MED27: variants seen among roughly 807,000 people sequenced by gnomAD.
The protein encoded by MED27 is mediator complex subunit 27.
MED27 carries 30 observed loss-of-function variants against 38.2 expected under a neutral mutation model. The ratio of observed to expected loss-of-function variants is 0.79; its 90% CI spans 0.59 to 1.07. MED27 has a LOEUF of 1.07. Among genes scored for constraint, MED27 ranks in the 50% least tolerant of loss-of-function variants. The pLI is 0.00. For missense variants in MED27, 289 were observed against 397.5 expected (o/e 0.73, Z 2.32); for synonymous variants, 122 against 153.5 (o/e 0.79, Z 1.52).
At chr9:131,962,565 A>C (rs892077970) in intron 3 of MED27, among the ~76,000 whole-genome samples, 6 of 150,610 alleles carry the variant, frequency 4.0e-5, no homozygotes, top group Admixed American at 2.6e-4. Context: ...TTGTGATAGG[A>C]GTATTATATT....
intron 4 of MED27, among the ~76,000 whole-genome samples, chr9:131,909,817 A>T (rs1012442430): frequency 6.6e-6 from 1 of 152,234 alleles, no homozygotes; most frequent in Non-Finnish European, 1.5e-5. Context: ...CTGTGTCCTT[A>T]GATACATGAG....
At chr9:132,009,883 G>A (rs2131070134) in intron 3 of MED27, among the ~76,000 whole-genome samples, 1 of 152,316 alleles carries the variant, frequency 6.6e-6, no homozygotes, top group East Asian at 1.9e-4. Context: ...TTATAGTTAT[G>A]TTGTGCTTAT....
At chr9:131,908,314 C>T (rs1443552406) in intron 4 of MED27, among the ~76,000 whole-genome samples, 3 of 151,984 alleles carry the variant, frequency 2.0e-5, no homozygotes, top group Non-Finnish European at 2.9e-5. Context: ...CGCCTCTGCC[C>T]GGCCGCCCAT....
intron 6 of MED27, chr9:131,868,644 G>C: frequency 1.0e-6 from 1 of 985,502 alleles, no homozygotes; most frequent in Non-Finnish European, 1.2e-6. Context: ...TGCACATAGT[G>C]GGTGAGGGCA....
chr9:131,936,660 C>G (rs1172761642), intron 4 of MED27, among the ~76,000 whole-genome samples: 2 of 152,224 alleles, frequency 1.3e-5, no homozygotes, highest in Non-Finnish European at 2.9e-5. Context: ...TTGTCCTGAT[C>G]TTGTTCCTGA....
intron 3 of MED27, among the ~76,000 whole-genome samples, chr9:131,986,999 ATTTT>A (rs66519112): frequency 6.5e-5 from 3 of 46,224 alleles, no homozygotes; most frequent in African/African-American, 1.7e-4. Flanking sequence ...GAGTTCATGG[ATTTT>A]TTTTTTTTTT....
chr9:131,877,723 C>T (rs1838961803), intron 6 of MED27, among the ~76,000 whole-genome samples: 1 of 152,184 alleles, frequency 6.6e-6, no homozygotes, highest in Non-Finnish European at 1.5e-5. Flanking sequence ...GGAATGATCC[C>T]ATGTTGAAAC....
At chr9:132,050,370 G>A (rs1295261683) in intron 2 of MED27, among the ~76,000 whole-genome samples, 1 of 152,156 alleles carries the variant, frequency 6.6e-6, no homozygotes, top group Non-Finnish European at 1.5e-5. Context: ...TCCAGGTGCC[G>A]GGCTAAGGAG....
intron 6 of MED27, among the ~76,000 whole-genome samples, chr9:131,863,369 G>A (rs1021893975): frequency 2.0e-5 from 3 of 152,334 alleles, no homozygotes; most frequent in East Asian, 3.9e-4. Flanking sequence ...GGCAGGGGGC[G>A]TGTGGAAGAT....
chr9:131,969,446 T>C (rs1469017689), intron 3 of MED27, among the ~76,000 whole-genome samples: 5 of 152,124 alleles, frequency 3.3e-5, no homozygotes, highest in Admixed American at 2.0e-4. Context: ...ATTTTGTACA[T>C]TAAGTGCTCT....
chr9:131,863,172 C>T (rs1223312474), intron 6 of MED27, 32 bp from the exon 7 acceptor site: 1 of 1,589,480 alleles, frequency 6.3e-7, no homozygotes, highest in East Asian at 2.2e-5. Context: ...GAGTTAGCGG[C>T]CACTCCAAGC....
At chr9:131,867,162 G>A (rs1271957883) in intron 6 of MED27, among the ~76,000 whole-genome samples, 2 of 152,228 alleles carry the variant, frequency 1.3e-5, no homozygotes, top group Non-Finnish European at 2.9e-5. Context: ...CAGGTCATGT[G>A]TGCAGACGGT....
intron 2 of MED27, among the ~76,000 whole-genome samples, chr9:132,039,696 G>A (rs1479857224): frequency 2.0e-5 from 3 of 152,172 alleles, no homozygotes; most frequent in African/African-American, 4.8e-5. Flanking sequence ...AAGGACGAGT[G>A]GAAGAGGACC....
chr9:132,000,230 T>C (rs2131055581), intron 3 of MED27, among the ~76,000 whole-genome samples: 1 of 152,110 alleles, frequency 6.6e-6, no homozygotes. Context: ...GATATACGGA[T>C]GGCAAATAAG....
chr9:132,057,936 A>T (rs1024679214), intron 2 of MED27, among the ~76,000 whole-genome samples: 18 of 152,212 alleles, frequency 1.2e-4, no homozygotes, highest in African/African-American at 4.3e-4. Context: ...CAGGAGTTTG[A>T]ATCTAACCTG....
intron 3 of MED27, among the ~76,000 whole-genome samples, chr9:131,944,601 C>T (rs1485350599): frequency 1.1e-4 from 16 of 150,736 alleles, no homozygotes; most frequent in African/African-American, 3.2e-4. Flanking sequence ...AATCTCAGCT[C>T]ACTGCAACCT....
At chr9:131,984,186 C>A (rs1337650444) in intron 3 of MED27, among the ~76,000 whole-genome samples, 1 of 152,158 alleles carries the variant, frequency 6.6e-6, no homozygotes, top group African/African-American at 2.4e-5. Flanking sequence ...AAGTCGCTGC[C>A]CACCTCCCAC....
At chr9:131,874,106 C>T (rs1295201739) in intron 6 of MED27, among the ~76,000 whole-genome samples, 2 of 152,214 alleles carry the variant, frequency 1.3e-5, no homozygotes, top group Non-Finnish European at 2.9e-5. Flanking sequence ...CTTCAGCCCC[C>T]ACCTTCCATG....
chr9:132,044,179 G>C (rs1277746981), intron 2 of MED27, among the ~76,000 whole-genome samples: 1 of 152,100 alleles, frequency 6.6e-6, no homozygotes, highest in Non-Finnish European at 1.5e-5. Flanking sequence ...CTGAAGTTTG[G>C]GGGCAGACAC....
Sources: gnomAD v4.1 joint callset for allele counts (sites outside exome capture counted in the v4.1 genomes callset) on GRCh38, gnomAD v4.1.1 for gene constraint, MANE v1.5 for transcripts, NCBI Gene and HGNC (gene_info 2026-07-23, HGNC 2026-07-21) for gene names.